LRRC1: variants seen among roughly 807,000 people sequenced by gnomAD.
The protein encoded by LRRC1 is leucine-rich repeat-containing protein 1.
A neutral mutation model predicts 69.9 loss-of-function variants in LRRC1; 28 were observed. The observed-to-expected ratio is 0.40, with a 90% CI of 0.30 to 0.55. The LOEUF (loss-of-function observed/expected upper bound fraction) is 0.55. Among genes scored for constraint, LRRC1 ranks in the 20% least tolerant of loss-of-function variants. The probability of loss-of-function intolerance (pLI) is 0.47; values close to 1 mark genes in which losing one functional copy is unlikely to be tolerated. For missense variants in LRRC1, 498 were observed against 609.0 expected, an observed-to-expected ratio of 0.82 and a Z score of 1.92; for synonymous variants, 236 against 240.2, an observed-to-expected ratio of 0.98 and a Z score of 0.16.
chr6:53,892,016 A>G (rs1329605093), intron 4 of LRRC1, among the ~76,000 whole-genome samples: 1 of 60,326 alleles, frequency 1.7e-5, no homozygotes, highest in Non-Finnish European at 4.4e-5. Flanking sequence ...ATATATACAC[A>G]CACACACACA....
At chr6:53,805,884 C>T (rs1431932308) in intron 1 of LRRC1, among the ~76,000 whole-genome samples, 2 of 152,250 alleles carry the variant, frequency 1.3e-5, no homozygotes, top group African/African-American at 4.8e-5. Flanking sequence ...GGCTTCCCTG[C>T]ACCAGCAGGA....
intron 1 of LRRC1, among the ~76,000 whole-genome samples, chr6:53,829,733 A>C (rs1302723674): frequency 6.6e-6 from 1 of 152,162 alleles, no homozygotes; most frequent in Non-Finnish European, 1.5e-5. Flanking sequence ...AGCTATTGGT[A>C]CCACTGAGCT....
intron 2 of LRRC1, among the ~76,000 whole-genome samples, chr6:53,854,708 C>T (rs1331770511): frequency 6.6e-6 from 1 of 152,110 alleles, no homozygotes; most frequent in Non-Finnish European, 1.5e-5. Flanking sequence ...CATTTATATC[C>T]CACTACCCAG....
chr6:53,893,095 CT>C (rs1029518467), intron 4 of LRRC1, among the ~76,000 whole-genome samples: 48 of 152,290 alleles, frequency 3.2e-4, no homozygotes, highest in African/African-American at 1.1e-3. Flanking sequence ...TTGTAGCAAT[CT>C]TTCTGAAGAC....
intron 8 of LRRC1, among the ~76,000 whole-genome samples, chr6:53,902,101 G>A (rs1266958657): frequency 1.3e-5 from 2 of 152,110 alleles, no homozygotes; most frequent in Admixed American, 6.5e-5. Flanking sequence ...TGAACAGTGG[G>A]TATCACCAGG....
rs184360753 is a variant in LRRC1 at position 53,884,687 on chromosome 6, A to T, written c.446+1711A>T. On this transcript the variant is annotated intron_variant, in intron 4 of 13. Transcript: ENST00000370888. ...TTCTCCTTTCTAGCCTCTGATTCCT[A>T]CCCCTCTCCTTTTTTCCCATTTTGT... 6.6e-5 allele frequency among the ~76,000 whole-genome samples: 10 copies of T among 151,616 alleles called. No homozygotes were observed. In the East Asian group the frequency reaches 1.6e-3, roughly 24 times the overall value.
intron 2 of LRRC1, among the ~76,000 whole-genome samples, chr6:53,850,768 T>C (rs1484002208): frequency 1.3e-5 from 2 of 152,208 alleles, no homozygotes; most frequent in Non-Finnish European, 2.9e-5. Flanking sequence ...GCTTATTACC[T>C]TGGGGAAGTA....
At chr6:53,854,621 T>C (rs1451936433) in intron 2 of LRRC1, among the ~76,000 whole-genome samples, 1 of 152,240 alleles carries the variant, frequency 6.6e-6, no homozygotes, top group East Asian at 1.9e-4. Flanking sequence ...ATTGTGTGAC[T>C]CATGAGTAGT....
At chr6:53,922,506 CT>C in intron 13 of LRRC1, 128 bp from the exon 14 acceptor site, 1 of 796,310 alleles carries the variant, frequency 1.3e-6, no homozygotes. Context: ...CCAAAGAAAG[CT>C]TTTCCACCCA....
intron 2 of LRRC1, among the ~76,000 whole-genome samples, chr6:53,864,482 CT>C (rs1766632097): frequency 6.6e-6 from 1 of 152,190 alleles, no homozygotes; most frequent in Non-Finnish European, 1.5e-5. Context: ...TCAACCGCTA[CT>C]TTGCAGTCTT....
intron 2 of LRRC1, among the ~76,000 whole-genome samples, chr6:53,854,333 A>T (rs937856706): frequency 6.6e-6 from 1 of 152,344 alleles, no homozygotes; most frequent in Non-Finnish European, 1.5e-5. Context: ...GAAATCAGTT[A>T]TTAGGATCAT....
At chr6:53,834,961 C>G (rs543564226) in intron 1 of LRRC1, among the ~76,000 whole-genome samples, 1 of 152,156 alleles carries the variant, frequency 6.6e-6, no homozygotes, top group East Asian at 1.9e-4. Context: ...GACTCCGTCT[C>G]AAAAAATAAT....
At chr6:53,847,102 TA>T (rs1412979405) in intron 2 of LRRC1, among the ~76,000 whole-genome samples, 1 of 152,224 alleles carries the variant, frequency 6.6e-6, no homozygotes, top group Non-Finnish European at 1.5e-5. Flanking sequence ...ACAGCAATTT[TA>T]AATTTTGAGT....
chr6:53,859,993 G>A (rs569873578), intron 2 of LRRC1, among the ~76,000 whole-genome samples: 1 of 152,200 alleles, frequency 6.6e-6, no homozygotes, highest in East Asian at 1.9e-4. Flanking sequence ...TTCCACCTCA[G>A]CAAAAGCTAA....
chr6:53,894,926 T>G (rs988719616), intron 4 of LRRC1, among the ~76,000 whole-genome samples: 4 of 150,564 alleles, frequency 2.7e-5, no homozygotes, highest in African/African-American at 9.7e-5. Context: ...TAGCGGGGAG[T>G]TTTTTTTTCT....
intron 2 of LRRC1, among the ~76,000 whole-genome samples, chr6:53,863,452 G>A (rs9382248): frequency 0.21 from 32,204 of 152,066 alleles, 4,088 homozygotes; most frequent in East Asian, 0.58. Flanking sequence ...TTCCGCTCCC[G>A]GGCTCTTCTT....
chr6:53,919,723 T>C, intron 12 of LRRC1, 53 bp downstream of exon 12: 1 of 1,517,094 alleles, frequency 6.6e-7, no homozygotes, highest in Non-Finnish European at 9.0e-7. Flanking sequence ...GAGTAGGACC[T>C]AATGTCTGTC....
intron 2 of LRRC1, among the ~76,000 whole-genome samples, chr6:53,868,350 A>G (rs1227428978): frequency 6.6e-6 from 1 of 151,646 alleles, no homozygotes; most frequent in Admixed American, 6.6e-5. Flanking sequence ...GCTTCCCGAG[A>G]AGTAGCTGGG....
intron 2 of LRRC1, 122 bp from the exon 3 acceptor site, chr6:53,878,871 A>G: frequency 1.6e-6 from 1 of 606,372 alleles, no homozygotes; most frequent in Non-Finnish European, 2.9e-6. Context: ...TTATAAGTCT[A>G]GGTCATGTTT....
Sources: allele counts gnomAD v4.1 joint callset (sites outside exome capture counted in the v4.1 genomes callset), GRCh38; gene constraint gnomAD v4.1.1; transcripts MANE v1.5; gene names NCBI Gene and HGNC (gene_info 2026-07-23, HGNC 2026-07-21).